UTRN: variants seen among roughly 807,000 people sequenced by gnomAD.
The protein encoded by UTRN is dystrophin-related protein 1.
UTRN carries 283 observed loss-of-function variants against 463.9 expected under a neutral mutation model. The ratio of observed to expected loss-of-function variants is 0.61; its 90% CI spans 0.55 to 0.67. The LOEUF is 0.67. Ranked by LOEUF, UTRN falls within the 30% of genes least tolerant of loss-of-function variation. UTRN has a pLI of 0.00. For missense variants in UTRN, 3,922 were observed against 4,084.3 expected (o/e 0.96, Z 1.08); for synonymous variants, 1,442 against 1,431.5 (o/e 1.01, Z -0.17).
intron 51 of UTRN, among the ~76,000 whole-genome samples, chr6:144,595,849 A>G (rs1803588905): frequency 6.6e-6 from 1 of 152,190 alleles, no homozygotes; most frequent in Non-Finnish European, 1.5e-5. Context: ...TTTGATAGGT[A>G]GTGAATAACC....
intron 59 of UTRN, 47 bp downstream of exon 59, chr6:144,772,015 GGTT>G: frequency 4.2e-6 from 1 of 239,816 alleles, no homozygotes; most frequent in Non-Finnish European, 8.1e-6. Flanking sequence ...ACTGAGAACC[GGTT>G]TTTTTTTTTT....
At chr6:144,433,214 CGGG>C in intron 9 of UTRN, among the ~76,000 whole-genome samples, 1 of 151,738 alleles carries the variant, frequency 6.6e-6, no homozygotes, top group South Asian at 2.1e-4. Context: ...ACCTCCCAGA[CGGG>C]GTGGTGGCCG....
chr6:144,602,719 T>G (rs1482051567), intron 51 of UTRN, among the ~76,000 whole-genome samples: 1 of 152,186 alleles, frequency 6.6e-6, no homozygotes, highest in Non-Finnish European at 1.5e-5. Context: ...CACTACTCAC[T>G]GAACACTGAA....
intron 14 of UTRN, among the ~76,000 whole-genome samples, chr6:144,444,718 A>G (rs574608944): frequency 2.6e-5 from 4 of 152,368 alleles, no homozygotes; most frequent in Admixed American, 1.3e-4. Flanking sequence ...AATGCCTAGC[A>G]TATAATTTGT....
intron 38 of UTRN, 149 bp from the exon 39 acceptor site, chr6:144,516,662 A>G (rs1795638283): frequency 1.6e-6 from 1 of 636,968 alleles, no homozygotes; most frequent in South Asian, 5.6e-5. Flanking sequence ...AATATATTTA[A>G]AAAAAACATA....
intron 64 of UTRN, among the ~76,000 whole-genome samples, chr6:144,801,316 T>C (rs1777679243): frequency 6.6e-6 from 1 of 151,920 alleles, no homozygotes; most frequent in African/African-American, 2.4e-5. Context: ...AGATTACACA[T>C]GAAGGGAATG....
chr6:144,296,304 T>C lies in UTRN; in HGVS notation c.79+4397T>C, dbSNP rs1015500989. Among the ~76,000 whole-genome samples the C allele has an allele frequency of 9.8e-5, 15 of 152,340 alleles. No individual in the cohort carries two copies. In the South Asian group the frequency reaches 1.0e-3, roughly 11 times the overall value. ...GTGAGACTCTATGGTGAACCGCACA[T>C]GCGAGGGATCTAGGTTGCCTGCTCC... On this transcript the variant is annotated intron_variant, in intron 2 of 74. Transcript: ENST00000367545.
At chr6:144,543,484 G>A (rs1023055150) in intron 46 of UTRN, among the ~76,000 whole-genome samples, 2 of 152,150 alleles carry the variant, frequency 1.3e-5, no homozygotes, top group Admixed American at 6.5e-5. Context: ...GAACCATCAT[G>A]CCCTGCTCTT....
chr6:144,450,631 C>G (rs1006956600), intron 17 of UTRN, among the ~76,000 whole-genome samples: 2 of 152,176 alleles, frequency 1.3e-5, no homozygotes, highest in African/African-American at 2.4e-5. Context: ...ACTTTCATAT[C>G]AAGAGCCCAG....
chr6:144,333,205 TGC>T (rs1457199950), intron 2 of UTRN: 1 of 152,092 alleles, frequency 6.6e-6, no homozygotes, highest in Admixed American at 6.5e-5. Flanking sequence ...CCTCCCAAAG[TGC>T]TGGGATTACA....
In UTRN at chr6:144,827,372, G is replaced by A. The variant is rs780974577; in HGVS notation, c.9519G>A (p.Trp3173Ter). The A allele has an allele frequency of 1.2e-6, 2 of 1,613,260 alleles. No homozygotes were observed. The highest frequency in any genetic ancestry group is 1.3e-5 in the African/African-American group (1 of 74,846). The change falls in exon 67 of 75, where the codon TGG becomes TGA. Residue 3173 changes from tryptophan (W) to a stop codon, truncating the protein, a stop_gained. Coordinates refer to ENST00000367545, the MANE Select transcript of UTRN (RefSeq NM_007124.3). LOFTEE classifies it high-confidence loss of function. ...LETPITLISMWPEHYDPSQSP... is the reference protein window; with the variant it reads ...LETPITLISM Reference sequence around the variant, plus strand: ...GTCCTATCACACTCATCAGTATGTGGCCAGAGCACTATGAGTGAGTATTCA... The same window carrying A: ...GTCCTATCACACTCATCAGTATGTGACCAGAGCACTATGAGTGAGTATTCA...
At chr6:144,364,812 A>G (rs2114695419) in intron 2 of UTRN, among the ~76,000 whole-genome samples, 1 of 152,178 alleles carries the variant, frequency 6.6e-6, no homozygotes, top group South Asian at 2.1e-4. Context: ...CAGGCTGCCC[A>G]TGTTTCTTGG....
Position 144,286,877 on chromosome 6 carries a change from C to G in UTRN, c.-93+1056C>G, listed in dbSNP as rs1803721735. On this transcript the variant is annotated intron_variant, in intron 1 of 74. Transcript: ENST00000367545. The surrounding 1 kb of genome is among the most constrained non-coding windows in gnomAD (Gnocchi z 4.4). ...TGAGGTGTTCAGGACAGGGCCTCCT[C>G]TTTCCCAGCCTTCAGGTCAGCCGGA... is the stretch of plus-strand genomic sequence containing the variant. Among the ~76,000 whole-genome samples the G allele has an allele frequency of 6.6e-6, 1 of 152,194 alleles. No individual in the cohort carries two copies. The highest frequency in any genetic ancestry group is 2.1e-4 in the South Asian group (1 of 4,828).
intron 54 of UTRN, among the ~76,000 whole-genome samples, chr6:144,732,261 C>CATATATATATATACATATATATAT (rs1562832840): frequency 4.1e-5 from 5 of 122,662 alleles, no homozygotes; most frequent in African/African-American, 1.6e-4. Flanking sequence ...TATATATACA[C>CATATATATATATACATATATATAT]ACATATATAT....
intron 73 of UTRN, among the ~76,000 whole-genome samples, chr6:144,844,798 C>A (rs886370983): frequency 6.6e-6 from 1 of 152,158 alleles, no homozygotes; most frequent in African/African-American, 2.4e-5. Context: ...CTCCCAATGC[C>A]AAGCCAATCC....
chr6:144,795,872 TGTTTTTTG>T (rs1171582775), intron 63 of UTRN, among the ~76,000 whole-genome samples: 1 of 151,658 alleles, frequency 6.6e-6, no homozygotes, highest in Non-Finnish European at 1.5e-5. Context: ...TGTTTTTGTT[TGTTTTTTG>T]TTTGTTTGTT....
intron 39 of UTRN, among the ~76,000 whole-genome samples, chr6:144,520,150 T>G (rs1795964474): frequency 6.6e-6 from 1 of 151,474 alleles, no homozygotes; most frequent in African/African-American, 2.4e-5. Context: ...GGTCCCACTT[T>G]CCTCTTTTAC....
intron 51 of UTRN, among the ~76,000 whole-genome samples, chr6:144,602,126 T>C (rs1308681880): frequency 6.7e-6 from 1 of 149,374 alleles, no homozygotes; most frequent in Non-Finnish European, 1.5e-5. Context: ...TCCTACAGCA[T>C]TTTTTTTTTA....
chr6:144,533,252 G>A lies in UTRN; in HGVS notation c.6225G>A (p.Arg2075=). 3 of 1,613,946 alleles carry A rather than the reference G, an allele frequency of 1.9e-6. No homozygotes were observed. The highest frequency in any genetic ancestry group is 1.7e-4 in the Middle Eastern group (1 of 6,048). Residue 2075 remains arginine, a synonymous_variant, in exon 43 of 75, where the codon AGG becomes AGA. Coordinates refer to ENST00000367545, the MANE Select transcript of UTRN (RefSeq NM_007124.3). ...WDAIVAEVKD[R]QPRLKGESKQ... is the part of the protein sequence containing the mutation. ...CAATTGTTGCAGAAGTGAAGGATAG[G>A]CAGCCAAGGTGATTTAGCTATGATT...
Sources: allele counts gnomAD v4.1 joint callset (sites outside exome capture counted in the v4.1 genomes callset), GRCh38; gene constraint gnomAD v4.1.1; non-coding constraint Gnocchi (gnomAD v3.1); transcripts MANE v1.5; gene names NCBI Gene and HGNC (gene_info 2026-07-23, HGNC 2026-07-21).